POLR1B: variants seen among roughly 807,000 people sequenced by gnomAD.
The protein encoded by POLR1B is DNA-directed RNA polymerase I subunit RPA2.
A neutral mutation model predicts 105.8 loss-of-function variants in POLR1B; 30 were observed. That is an observed-to-expected ratio of 0.28 (90% confidence interval 0.21 to 0.38). POLR1B has a LOEUF of 0.38. Ranked by LOEUF, POLR1B falls within the 10% of genes least tolerant of loss-of-function variation. The pLI, the probability that POLR1B is intolerant of heterozygous loss-of-function variation, is 1.00. For missense variants in POLR1B, 976 were observed against 1,435.8 expected (o/e 0.68, Z 5.17); for synonymous variants, 485 against 505.1 (o/e 0.96, Z 0.53).
chr2:112,550,910 A>G lies in POLR1B; in HGVS notation c.670A>G (p.Met224Val). 5 of 1,613,980 alleles carry G rather than the reference A, an allele frequency of 3.1e-6. No individual in the cohort carries two copies. Among genetic ancestry groups the G allele is most frequent in the Non-Finnish European group, 4.2e-6 (5 of 1,179,816 alleles). Reference sequence around the variant, plus strand: ...GAGGGAAGAACATTCCGCTGTCAATATGAACCTCCACTACTTGGAAAATGG... The same window carrying G: ...GAGGGAAGAACATTCCGCTGTCAATGTGAACCTCCACTACTTGGAAAATGG... ...CVREEHSAVN[M>V]NLHYLENGTV... The change falls in exon 5 of 15, where the codon ATG becomes GTG. Residue 224 changes from methionine (M) to valine (V), a missense_variant. By Grantham distance (21) the Met-to-Val change is conservative. Transcript: ENST00000263331.
intron 7 of POLR1B, among the ~76,000 whole-genome samples, chr2:112,556,245 T>TTATC (rs989591985): frequency 1.4e-4 from 20 of 146,878 alleles, no homozygotes; most frequent in South Asian, 1.3e-3. Context: ...TAGTTTCACT[T>TTATC]GATAAAGTCC....
At chr2:112,559,206 G>A (rs1369216942) in intron 8 of POLR1B, 87 bp from the exon 9 acceptor site, 1 of 1,419,294 alleles carries the variant, frequency 7.0e-7, no homozygotes, top group Non-Finnish European at 9.7e-7. Flanking sequence ...TCTGTAGAGT[G>A]CTCTGAGGTT....
At position 112,564,348 on chromosome 2, in the gene POLR1B, G is replaced by GT. The variant is rs756893553; in HGVS notation, c.1613-15dup. 6.2e-7 allele frequency: 1 copy of GT among 1,613,636 alleles called. No individual in the cohort carries two copies. Among genetic ancestry groups the GT allele is most frequent in the Non-Finnish European group, 8.5e-7 (1 of 1,179,632 alleles). The stretch of plus-strand genomic sequence containing the variant: ...TGAAGCATTCTGATGTGATTGTGCT[G>GT]TTTGTTTCCTTTACCAGGGGTCACT... On this transcript the variant is annotated splice_polypyrimidine_tract_variant and intron_variant, in intron 9 of 14. Coordinates refer to ENST00000263331, the MANE Select transcript of POLR1B (RefSeq NM_019014.6).
At chr2:112,544,590 A>G (rs1451802894) in intron 1 of POLR1B, among the ~76,000 whole-genome samples, 2 of 152,188 alleles carry the variant, frequency 1.3e-5, no homozygotes, top group Non-Finnish European at 2.9e-5. Flanking sequence ...CTGCTTGTGC[A>G]TTCAGTCCCT....
chr2:112,542,043 G>A, upstream of POLR1B: 1 of 1,470,242 alleles, frequency 6.8e-7, no homozygotes, highest in African/African-American at 1.4e-5. Context: ...AACGACTTTG[G>A]CCGGATGACT....
At chr2:112,570,285 T>C (rs915278166) in intron 12 of POLR1B, among the ~76,000 whole-genome samples, 1 of 152,078 alleles carries the variant, frequency 6.6e-6, no homozygotes, top group African/African-American at 2.4e-5. Flanking sequence ...TGACCTGAAG[T>C]GATCTGCCTG....
At chr2:112,551,065 A>C (rs1481011507) in intron 5 of POLR1B, 63 bp downstream of exon 5, 22 of 1,470,920 alleles carry the variant, frequency 1.5e-5, no homozygotes, top group East Asian at 2.3e-5. Flanking sequence ...TATCCTGTGC[A>C]CATTGGATGG....
At chr2:112,552,966 G>C in intron 7 of POLR1B, 150 bp downstream of exon 7, 1 of 678,462 alleles carries the variant, frequency 1.5e-6, no homozygotes, top group Non-Finnish European at 2.2e-6. Context: ...AGCAGTAAGG[G>C]GATCAGAAAT....
At chr2:112,567,409 T>A (rs545187868) in intron 10 of POLR1B, among the ~76,000 whole-genome samples, 2 of 151,902 alleles carry the variant, frequency 1.3e-5, no homozygotes. Flanking sequence ...TGAGACAGGG[T>A]CACTCTGTCA....
At chr2:112,573,530 C>T in intron 13 of POLR1B, 32 bp from the exon 14 acceptor site, 1 of 1,588,870 alleles carries the variant, frequency 6.3e-7, no homozygotes, top group Non-Finnish European at 8.6e-7. Context: ...CTCAATTGGC[C>T]TCAGTCTTTT....
chr2:112,564,784 A>C (rs1395435295), intron 10 of POLR1B, among the ~76,000 whole-genome samples: 1 of 152,198 alleles, frequency 6.6e-6, no homozygotes, highest in Non-Finnish European at 1.5e-5. Context: ...CCCCCTTCTT[A>C]ATACTAGTGG....
At chr2:112,545,783 G>A in intron 1 of POLR1B, 1 of 350,456 alleles carries the variant, frequency 2.9e-6, no homozygotes, top group Non-Finnish European at 5.5e-6. Flanking sequence ...GGGACCACAG[G>A]CGTGCACCAC....
intron 7 of POLR1B, among the ~76,000 whole-genome samples, chr2:112,556,039 GAGA>G (rs989931720): frequency 6.6e-6 from 1 of 152,102 alleles, no homozygotes; most frequent in Non-Finnish European, 1.5e-5. Context: ...AAAAAAAAGG[GAGA>G]AGAACACAAA....
intron 9 of POLR1B, among the ~76,000 whole-genome samples, chr2:112,560,555 T>G (rs1683925995): frequency 6.6e-6 from 1 of 152,110 alleles, no homozygotes; most frequent in African/African-American, 2.4e-5. Flanking sequence ...GATGTCAGCC[T>G]TCTCTGCAGT....
In POLR1B at chr2:112,557,960, G is replaced by A. The variant is rs971254553; in HGVS notation, c.1209G>A (p.Lys403=). The A allele has an allele frequency of 1.4e-6, 2 of 1,405,406 alleles. No individual in the cohort carries two copies. Among genetic ancestry groups the A allele is most frequent in the African/African-American group, 2.9e-5 (2 of 67,990 alleles). The allele number at this position is 1,405,406 out of a possible 1,614,324, so 87.1% of individuals were successfully genotyped here. ...CTATTAAAATAGCTTTTGATAAGAA[G>A]GCTCAGAAGACCAGTGTTTCCATGA... The part of the protein sequence containing the change: ...LVSIKIAFDK[K]AQKTSVSMNT... Residue 403 remains lysine, a synonymous_variant, in exon 8 of 15, where the codon AAG becomes AAA. Coordinates refer to ENST00000263331, the MANE Select transcript of POLR1B (RefSeq NM_019014.6).
chr2:112,564,416 C>G lies in POLR1B; in HGVS notation c.1663C>G (p.Pro555Ala). ...APHRSYSECY[P>A]VLLDGVMVGW... ...CCACCGATCATACAGTGAGTGCTAC[C>G]CTGTCCTGCTGGACGGTGTCATGGT... Residue 555 changes from proline (P) to alanine (A), a missense_variant, in exon 10 of 15, where the codon CCT (proline) becomes GCT (alanine). Pro to Ala is a conservative substitution (Grantham distance 27, BLOSUM62 -1). This residue lies in a region of POLR1B where 184 missense variants were observed against 197.4 expected (regional missense o/e 0.93). Coordinates refer to ENST00000263331, the MANE Select transcript of POLR1B (RefSeq NM_019014.6). 1 of 1,614,224 alleles carries G rather than the reference C, an allele frequency of 6.2e-7. No individual in the cohort carries two copies. The highest frequency in any genetic ancestry group is 8.5e-7 in the Non-Finnish European group (1 of 1,180,034).
intron 11 of POLR1B, 108 bp from the exon 12 acceptor site, chr2:112,568,638 T>G: frequency 8.1e-7 from 1 of 1,239,436 alleles, no homozygotes; most frequent in Non-Finnish European, 1.1e-6. Flanking sequence ...TGATGCTGGG[T>G]GGGGATGGTT....
chr2:112,557,381 T>G (rs756849870), intron 7 of POLR1B, among the ~76,000 whole-genome samples: 6 of 152,168 alleles, frequency 3.9e-5, no homozygotes, highest in Non-Finnish European at 8.8e-5. Context: ...AGATGGACTG[T>G]GTAGTTCGTG....
In POLR1B at chr2:112,558,143, C is replaced by T. The variant is rs140961130; in HGVS notation, c.1330+62C>T. The T allele has an allele frequency of 4.6e-3, 5,697 of 1,238,158 alleles. 21 individuals carry two copies. The highest frequency in any genetic ancestry group is 0.011 in the Admixed American group (338 of 30,586). The allele number at this position is 1,238,158 out of a possible 1,614,324, so 76.7% of individuals were successfully genotyped here. On this transcript the variant is annotated intron_variant, in intron 8 of 14. Transcript: ENST00000263331. ...AATTAGTTGCTTAGTGTAGATTTGC[C>T]TGTCCCTGAGAGTTCTTTTTAAAAG...
Sources: allele counts gnomAD v4.1 joint callset (sites outside exome capture counted in the v4.1 genomes callset), GRCh38; gene constraint gnomAD v4.1.1; regional missense constraint gnomAD v4.1.1; transcripts MANE v1.5; gene names NCBI Gene and HGNC (gene_info 2026-07-23, HGNC 2026-07-21).